The following MYL10 variants were observed in gnomAD, a reference collection of about 807,000 sequenced individuals.
The protein encoded by MYL10 is myosin light chain 10.
MYL10 carries 18 observed loss-of-function variants against 21.9 expected under a neutral mutation model. The observed-to-expected ratio is 0.82, with a 90% CI of 0.57 to 1.22. The LOEUF is 1.22. Ranked by LOEUF, MYL10 falls within the 50% of genes most tolerant of loss-of-function variation. MYL10 has a pLI of 0.00. For missense variants in MYL10, 225 were observed against 230.4 expected (o/e 0.98, Z 0.15); for synonymous variants, 88 against 82.8 (o/e 1.06, Z -0.34).
Position 101,616,389 on chromosome 7 carries a change from G to A in MYL10, c.455-91C>T, listed in dbSNP as rs1265103630. 6 of 1,012,624 alleles carry A rather than the reference G, an allele frequency of 5.9e-6. No homozygotes were observed. The Admixed American group carries it at 6.0e-5, about 10-fold the overall frequency. The allele number at this position is 1,012,624 out of a possible 1,614,324, so 62.7% of individuals were successfully genotyped here. A position where few individuals can be genotyped will look rare whatever the true frequency, so the allele number is the denominator to read the frequency against. ...AGGCTGGGCAGGGGCTGGGGCTGGG[G>A]GCAAGTCCCACGGCCCCTGCACAGA... On this transcript the variant is annotated intron_variant, in intron 5 of 7. Coordinates refer to ENST00000223167, the MANE Select transcript of MYL10 (RefSeq NM_138403.5).
At chr7:101,625,886 G>A (rs1349034342) in intron 1 of MYL10, among the ~76,000 whole-genome samples, 1 of 151,904 alleles carries the variant, frequency 6.6e-6, no homozygotes, top group Admixed American at 6.6e-5. Context: ...CTGTGGCCTC[G>A]GCGTCCTCAG....
intron 5 of MYL10, 125 bp downstream of exon 5, chr7:101,621,971 G>GCTGGTGT (rs1796684133): frequency 2.9e-6 from 2 of 689,480 alleles, no homozygotes; most frequent in Admixed American, 5.4e-5. Flanking sequence ...GCACCTGGGG[G>GCTGGTGT]CTGGTGTCTG....
At chr7:101,629,001 A>G (rs1411313384) in intron 1 of MYL10, 40 bp downstream of exon 1, 2 of 452,356 alleles carry the variant, frequency 4.4e-6, no homozygotes, top group South Asian at 3.1e-5. Flanking sequence ...CCCAAGGCAG[A>G]TAAGAAGTGG....
rs1260694575 is a variant in MYL10, at chr7:101,623,022, G to A, written c.324C>T (p.Asp108=). The A allele has an allele frequency of 1.2e-6, 2 of 1,613,950 alleles. No individual in the cohort carries two copies. Among genetic ancestry groups the A allele is most frequent in the Admixed American group, 1.7e-5 (1 of 59,992 alleles). The change falls in exon 4 of 8, where the codon GAC becomes GAT. Residue 108 remains aspartate, a synonymous_variant. Coordinates refer to ENST00000223167, the MANE Select transcript of MYL10 (RefSeq NM_138403.5). ...QNRDGFIDKE[D]LRDTFAALGR... ...CCAGCGCGGCAAAGGTGTCCCTCAA[G>A]TCCTCTTTGTCGATGAAGCCATCAC... is the stretch of plus-strand genomic sequence containing the variant.
intron 1 of MYL10, among the ~76,000 whole-genome samples, chr7:101,624,937 C>T (rs986937580): frequency 2.0e-5 from 3 of 152,100 alleles, no homozygotes; most frequent in African/African-American, 4.8e-5. Context: ...CTCTCCCCTC[C>T]CCACATGGCT....
chr7:101,616,330 G>A, intron 5 of MYL10, 32 bp from the exon 6 acceptor site: 1 of 1,586,118 alleles, frequency 6.3e-7, no homozygotes, highest in Non-Finnish European at 8.7e-7. Context: ...CAGGGAGAGA[G>A]GCAGGTGAAG....
intron 5 of MYL10, 52 bp from the exon 6 acceptor site, chr7:101,616,350 C>T: frequency 1.4e-6 from 2 of 1,450,412 alleles, no homozygotes; most frequent in Non-Finnish European, 9.7e-7. Flanking sequence ...GAGGGCCCCA[C>T]AGGGACAGGC....
At chr7:101,620,384 G>A (rs1380999626) in intron 5 of MYL10, among the ~76,000 whole-genome samples, 2 of 152,046 alleles carry the variant, frequency 1.3e-5, no homozygotes, top group African/African-American at 4.8e-5. Context: ...AAGAGGGCGG[G>A]GCCATTGACG....
At chr7:101,623,734 TGTA>T (rs1315902073) in intron 3 of MYL10, among the ~76,000 whole-genome samples, 183 bp downstream of exon 3, 1 of 141,986 alleles carries the variant, frequency 7.0e-6, no homozygotes, top group Non-Finnish European at 1.5e-5. Context: ...CATTTAAAAA[TGTA>T]GTAATGGGCG....
At chr7:101,622,962 T>C in intron 4 of MYL10, 35 bp downstream of exon 4, 1 of 1,605,512 alleles carries the variant, frequency 6.2e-7, no homozygotes, top group East Asian at 2.2e-5. Flanking sequence ...CTGGCTGGCC[T>C]GGCCCTAATC....
chr7:101,622,119 G>A lies in MYL10; in HGVS notation c.431C>T (p.Thr144Ile). 1 of 1,613,754 alleles carries A rather than the reference G, an allele frequency of 6.2e-7. No individual in the cohort carries two copies. The highest frequency in any genetic ancestry group is 1.7e-5 in the Admixed American group (1 of 60,004). The part of the protein sequence containing the change: ...PGPINFTVFL[T>I]MFGEKLKGTD... ...ACCCTTCAGCTTCTCCCCAAACATGGTCAGGAACACCGTGAAGTTGATGGG... is the reference window on the plus strand; with the variant it reads ...ACCCTTCAGCTTCTCCCCAAACATGATCAGGAACACCGTGAAGTTGATGGG... Residue 144 changes from threonine to isoleucine, a missense_variant, in exon 5 of 8, where the codon ACC becomes ATC. By Grantham distance (89) the Thr-to-Ile change is moderately conservative (BLOSUM62 -1). Transcript: ENST00000223167.
intron 6 of MYL10, among the ~76,000 whole-genome samples, chr7:101,615,080 G>T (rs1414323845): frequency 6.6e-6 from 1 of 152,020 alleles, no homozygotes; most frequent in African/African-American, 2.4e-5. Flanking sequence ...CACTGGGTGG[G>T]GCACCCCTAC....
chr7:101,622,234 A>G (rs371568202), intron 4 of MYL10, 34 bp from the exon 5 acceptor site: 1 of 1,536,070 alleles, frequency 6.5e-7, no homozygotes, highest in African/African-American at 1.4e-5. Context: ...CAGGGAGGAT[A>G]AGAGAGATCA....
At chr7:101,624,069 T>C (rs757717342) in intron 2 of MYL10, 48 bp from the exon 3 acceptor site, 1 of 736,240 alleles carries the variant, frequency 1.4e-6, no homozygotes, top group Non-Finnish European at 2.5e-6. Flanking sequence ...TAATGACATC[T>C]TCAGCCCCTC....
At chr7:101,623,298 T>C (rs1796702974) in intron 3 of MYL10, among the ~76,000 whole-genome samples, 1 of 151,946 alleles carries the variant, frequency 6.6e-6, no homozygotes. Flanking sequence ...TGGCCCGAGG[T>C]CACACAGCAA....
In MYL10 at chr7:101,621,201, T is replaced by C. The variant is rs180697670; in HGVS notation, c.454+895A>G. ...CAGATGGCTCCAACCCTCCACCCCATGCCTAATGCTGTGTCTCGGGCGGGT... is the reference window on the plus strand; with the variant it reads ...CAGATGGCTCCAACCCTCCACCCCACGCCTAATGCTGTGTCTCGGGCGGGT... On this transcript the variant is annotated intron_variant, in intron 5 of 7. Transcript: ENST00000223167. Among the ~76,000 whole-genome samples, 58 of 152,138 alleles carry C rather than the reference T, an allele frequency of 3.8e-4. 1 individual carries two copies. Among genetic ancestry groups the C allele is most frequent in the African/African-American group, 1.3e-3 (52 of 41,526 alleles).
intron 1 of MYL10, among the ~76,000 whole-genome samples, chr7:101,624,833 C>T (rs1482352431): frequency 6.6e-6 from 1 of 152,030 alleles, no homozygotes; most frequent in African/African-American, 2.4e-5. Context: ...GCTTGGAATG[C>T]CTTCCCTGGA....
At chr7:101,623,465 CAGG>C (rs931742991) in intron 3 of MYL10, among the ~76,000 whole-genome samples, 1 of 152,116 alleles carries the variant, frequency 6.6e-6, no homozygotes, top group African/African-American at 2.4e-5. Flanking sequence ...GAGGCAGAGG[CAGG>C]AGGATTGCTT....
At chr7:101,619,064 C>T (rs544543998) in intron 5 of MYL10, among the ~76,000 whole-genome samples, 13 of 152,132 alleles carry the variant, frequency 8.5e-5, no homozygotes, top group Non-Finnish European at 1.6e-4. Flanking sequence ...CTCCTGGGCC[C>T]GGCCCTGGGC....
Sources: allele counts gnomAD v4.1 joint callset (sites outside exome capture counted in the v4.1 genomes callset), GRCh38; gene constraint gnomAD v4.1.1; transcripts MANE v1.5; gene names NCBI Gene and HGNC (gene_info 2026-07-23, HGNC 2026-07-21).